Variants in VN1R4 observed in about 807,000 individuals in gnomAD.
VN1R4 encodes vomeronasal type-1 receptor 4.
For synonymous variants in VN1R4, 97 were observed against 138.8 expected (o/e 0.70, Z 2.12); for missense variants, 291 against 364.2 (o/e 0.80, Z 1.64).
At chr19:53,267,705 C>A in exon 1 of VN1R4, 1 of 1,515,062 alleles carries the variant, frequency 6.6e-7, no homozygotes, top group Non-Finnish European at 8.9e-7. Context: ...GTCTTCAGGG[C>A]TGGGAGGTCC....
chr19:53,267,299 C>A (rs745568730), exon 1 of VN1R4: 6 of 1,613,946 alleles, frequency 3.7e-6, no homozygotes. Context: ...TGCTTGGGGG[C>A]TTTCTCTTTA....
At chr19:53,267,094 C>T (rs2091352709) in exon 1 of VN1R4, 1 of 1,613,424 alleles carries the variant, frequency 6.2e-7, no homozygotes, top group Non-Finnish European at 8.5e-7. Context: ...GAGCCCCAGA[C>T]ACAACACATC....
At chr19:53,267,499 G>C (rs1207345505) in exon 1 of VN1R4, 1 of 1,614,118 alleles carries the variant, frequency 6.2e-7, no homozygotes, top group Admixed American at 1.7e-5. Flanking sequence ...ACAGCGGAGA[G>C]CTAAGAAGTT....
exon 1 of VN1R4, chr19:53,266,788 T>A: frequency 6.2e-7 from 1 of 1,612,404 alleles, no homozygotes; most frequent in South Asian, 1.1e-5. Context: ...ACAAAACCTG[T>A]ATACACTGGG....
chr19:53,267,223 T>A (rs148081058), exon 1 of VN1R4: 2 of 1,610,880 alleles, frequency 1.2e-6, no homozygotes, highest in Non-Finnish European at 1.7e-6. Flanking sequence ...GCCAGTCACA[T>A]ACATGGGAAA....
At chr19:53,267,075 C>T in the VN1R4 span, 1 of 1,613,100 alleles carries the variant, frequency 6.2e-7, no homozygotes. Context: ...AGCTGCTGAC[C>T]CAGAGCATGA....
At chr19:53,266,985 T>C (rs371152208) in exon 1 of VN1R4, 48 of 1,604,246 alleles carry the variant, frequency 3.0e-5, no homozygotes, top group Non-Finnish European at 3.4e-5. Context: ...CTCTGTTCTC[T>C]GGGGAGGCTC....
exon 1 of VN1R4, chr19:53,266,720 T>G: frequency 1.3e-6 from 2 of 1,531,806 alleles, no homozygotes; most frequent in Middle Eastern, 1.8e-4. Flanking sequence ...TGAGCAAATA[T>G]ATACAATGTA....
Position 53,266,896 on chromosome 19 carries a change from G to A in VN1R4, c.770C>T (p.Ala257Val), listed in dbSNP as rs1688269092. The change falls in exon 1 of 1, where the codon GCT becomes GTT. Residue 257 changes from alanine (A) to valine (V), a missense_variant. Physicochemically the swap from Ala to Val is moderately conservative, Grantham distance 64. Transcript: ENST00000311170. Reference sequence around the variant, plus strand: ...TAAACTATTGGGATTATCCAAAAGAGCCATACAAACTTGGAAAAGGCAGGA... The same window carrying A: ...TAAACTATTGGGATTATCCAAAAGAACCATACAAACTTGGAAAAGGCAGGA... 6.2e-7 allele frequency: 1 copy of A among 1,614,152 alleles called. No individual in the cohort carries two copies. Among genetic ancestry groups the A allele is most frequent in the East Asian group, 2.2e-5 (1 of 44,878 alleles).
chr19:53,266,730 A>G, exon 1 of VN1R4: 1 of 1,555,328 alleles, frequency 6.4e-7, no homozygotes, highest in Non-Finnish European at 8.7e-7. Context: ...TATACAATGT[A>G]CATGTTTATG....
exon 1 of VN1R4, chr19:53,267,138 T>C: frequency 6.2e-7 from 1 of 1,612,668 alleles, no homozygotes; most frequent in Non-Finnish European, 8.5e-7. Context: ...GCAGTGTCTG[T>C]GCGATTTTGT....
At chr19:53,266,964 G>A (rs777941391) in exon 1 of VN1R4, 3 of 1,608,616 alleles carry the variant, frequency 1.9e-6, no homozygotes, top group Admixed American at 3.4e-5. Flanking sequence ...GGATGAGGAT[G>A]CTCTGCGTAG....
the VN1R4 span, chr19:53,266,909 G>A: frequency 5.6e-6 from 9 of 1,613,902 alleles, no homozygotes; most frequent in Non-Finnish European, 7.6e-6. Flanking sequence ...ATACAAACTT[G>A]GAAAAGGCAG....
rs140680979 is a variant in VN1R4, at chr19:53,267,132, T to C, written c.534A>G (p.Thr178=). Residue 178 remains threonine, a synonymous_variant, in exon 1 of 1, where the codon ACA becomes ACG. Transcript: ENST00000311170. The stretch of plus-strand genomic sequence containing the variant: ...GGAATGATAACAACATTGCACGCAG[T>C]GTCTGTGCGATTTTGTTGTTGCCTC... 6.5e-3 allele frequency: 10,504 copies of C among 1,609,530 alleles called. 417 individuals are homozygous for C. The African/African-American group carries it at 0.12, about 19-fold the overall frequency.
chr19:53,267,127 C>T lies in VN1R4; in HGVS notation c.539G>A (p.Arg180His), dbSNP rs758489391. 275 of 1,611,086 alleles carry T rather than the reference C, an allele frequency of 1.7e-4. 2 individuals carry two copies. In the South Asian group the frequency reaches 1.7e-3, roughly 10 times the overall value. ...ATCAGGGAATGATAACAACATTGCA[C>T]GCAGTGTCTGTGCGATTTTGTTGTT... Residue 180 changes from arginine to histidine, a missense_variant, in exon 1 of 1, where the codon CGT becomes CAT. Physicochemically the swap from Arg to His is conservative, Grantham distance 29 (BLOSUM62 0). Transcript: ENST00000311170.
exon 1 of VN1R4, chr19:53,267,320 A>T (rs1217482084): frequency 3.1e-6 from 5 of 1,614,138 alleles, no homozygotes; most frequent in Non-Finnish European, 4.2e-6. Context: ...AGTTTTGCCC[A>T]CCTGGATTTC....
At chr19:53,266,792 C>T (rs1318645768) in exon 1 of VN1R4, 1 of 1,612,988 alleles carries the variant, frequency 6.2e-7, no homozygotes, top group African/African-American at 1.3e-5. Flanking sequence ...AACCTGTATA[C>T]ACTGGGGTCA....
exon 1 of VN1R4, chr19:53,267,203 A>G: frequency 1.2e-6 from 2 of 1,611,350 alleles, no homozygotes; most frequent in South Asian, 1.1e-5. Context: ...ATGTTTGTGT[A>G]GTTCCATTTG....
chr19:53,267,569 A>G lies in VN1R4; in HGVS notation c.97T>C (p.Tyr33His), dbSNP rs1350302246. 4.3e-6 allele frequency: 7 copies of G among 1,613,900 alleles called. No homozygotes were observed. Among genetic ancestry groups the G allele is most frequent in the Admixed American group, 3.3e-5 (2 of 59,996 alleles). ...GACCTTAACCTGCACCCAGTGCAGT[A>G]AAAGGAGAGATAATGGAGAAGAACA... Residue 33 changes from tyrosine to histidine, a missense_variant, in exon 1 of 1, where the codon TAC (tyrosine) becomes CAC (histidine). Tyr to His is a moderately conservative substitution (Grantham distance 83). Coordinates refer to ENST00000311170, the Ensembl canonical transcript of VN1R4.
Sources: gnomAD v4.1 joint callset for allele counts on GRCh38, gnomAD v4.1.1 for gene constraint, MANE v1.5 for transcripts, NCBI Gene and HGNC (gene_info 2026-07-23, HGNC 2026-07-21) for gene names.